Variants in DOCK1 observed in about 807,000 individuals in gnomAD.
The protein encoded by DOCK1 is dedicator of cytokinesis protein 1.
A neutral mutation model predicts 262.7 loss-of-function variants in DOCK1; 138 were observed. That is an observed-to-expected ratio of 0.53 (90% CI 0.46 to 0.61). The LOEUF is 0.61. DOCK1 is among the 20% of genes least tolerant of loss of function. DOCK1 has a pLI of 0.00. For synonymous variants in DOCK1, 866 were observed against 867.4 expected (o/e 1.00, Z 0.03); for missense variants, 1,908 against 2,370.7 (o/e 0.80, Z 4.05).
chr10:127,223,189 A>G (rs1224706366), intron 27 of DOCK1, among the ~76,000 whole-genome samples: 1 of 152,196 alleles, frequency 6.6e-6, no homozygotes, highest in Non-Finnish European at 1.5e-5. Context: ...AGTTTTACTA[A>G]TCTCAAAATT....
At position 127,404,330 on chromosome 10, in the gene DOCK1, A is replaced by G; in HGVS notation, c.4023A>G (p.Lys1341=). 2 of 1,613,236 alleles carry G rather than the reference A, an allele frequency of 1.2e-6. No homozygotes were observed. The highest frequency in any genetic ancestry group is 1.7e-6 in the Non-Finnish European group (2 of 1,179,562). Residue 1341 remains lysine, a synonymous_variant, in exon 40 of 52, where the codon AAA becomes AAG. Coordinates refer to ENST00000623213, the MANE Select transcript of DOCK1 (RefSeq NM_001290223.2). The part of the protein sequence containing the change: ...DYEQLSELLK[K]QAQFYENIVK... ...ATTTTCTTTTTTCCTTCCAGAAAAA[A>G]CAGGCTCAGTTTTATGAAAACATCG...
At position 127,433,292 on chromosome 10, in the gene DOCK1, C is replaced by A; in HGVS notation, c.4924C>A (p.Leu1642Met). ...EYGVRIMPSS[L>M]DDRRGSRPRS... is the part of the protein sequence containing the mutation. ...TCTTTCTCGCTCTCAGCCCTCAAGTCTGGATGATAGAAGAGGCAGCCGCCC... is the reference window on the plus strand; with the variant it reads ...TCTTTCTCGCTCTCAGCCCTCAAGTATGGATGATAGAAGAGGCAGCCGCCC... The change falls in exon 48 of 52, where the codon CTG becomes ATG. Residue 1642 changes from leucine (L) to methionine (M), a missense_variant. By Grantham distance (15) the Leu-to-Met change is conservative. Coordinates refer to ENST00000623213, the MANE Select transcript of DOCK1 (RefSeq NM_001290223.2). 6.2e-7 allele frequency: 1 copy of A among 1,613,968 alleles called. No homozygotes were observed. The highest frequency in any genetic ancestry group is 8.5e-7 in the Non-Finnish European group (1 of 1,179,878).
intron 31 of DOCK1, among the ~76,000 whole-genome samples, chr10:127,349,150 T>C (rs892810939): frequency 8.6e-5 from 13 of 151,844 alleles, no homozygotes; most frequent in Admixed American, 3.3e-4. Flanking sequence ...ACCCCAGCCA[T>C]GAGCTCCCTC....
chr10:127,418,111 A>T (rs1231728670), intron 44 of DOCK1, among the ~76,000 whole-genome samples: 1 of 152,182 alleles, frequency 6.6e-6, no homozygotes, highest in Non-Finnish European at 1.5e-5. Flanking sequence ...GGATGACCAC[A>T]TATGTGCATA....
intron 1 of DOCK1, among the ~76,000 whole-genome samples, chr10:126,910,406 GCGCTGA>G (rs1175026523): frequency 6.6e-6 from 1 of 152,222 alleles, no homozygotes; most frequent in Non-Finnish European, 1.5e-5. Context: ...GCTGGGTGTG[GCGCTGA>G]CGCCCCAGGG....
intron 25 of DOCK1, among the ~76,000 whole-genome samples, chr10:127,113,871 G>A (rs959817722): frequency 1.3e-5 from 2 of 152,172 alleles, no homozygotes; most frequent in Non-Finnish European, 2.9e-5. Context: ...CCCACACTCT[G>A]CAGGATGGAC....
At chr10:127,144,265 C>T (rs1177840700) in intron 27 of DOCK1, among the ~76,000 whole-genome samples, 2 of 152,170 alleles carry the variant, frequency 1.3e-5, no homozygotes, top group African/African-American at 4.8e-5. Flanking sequence ...GTCACTCCTT[C>T]TTTCTGTGGA....
At chr10:127,310,170 C>T (rs761459368) in intron 29 of DOCK1, among the ~76,000 whole-genome samples, 5 of 152,164 alleles carry the variant, frequency 3.3e-5, no homozygotes, top group Non-Finnish European at 7.3e-5. Context: ...CCACTGCGCC[C>T]GGCCTGCTTT....
intron 23 of DOCK1, among the ~76,000 whole-genome samples, chr10:127,094,166 C>G (rs1564798537): frequency 6.6e-6 from 1 of 152,140 alleles, no homozygotes; most frequent in Non-Finnish European, 1.5e-5. Flanking sequence ...AGCACTCCAG[C>G]CTGGGCGACG....
At chr10:126,954,617 C>T (rs1040258864) in intron 1 of DOCK1, among the ~76,000 whole-genome samples, 2 of 152,248 alleles carry the variant, frequency 1.3e-5, no homozygotes, top group African/African-American at 2.4e-5. Flanking sequence ...CCCTGGCAGC[C>T]GCCGTGCTAT....
chr10:127,237,291 C>A (rs754704754), intron 27 of DOCK1, among the ~76,000 whole-genome samples: 5 of 145,582 alleles, frequency 3.4e-5, no homozygotes, highest in Admixed American at 7.1e-5. Context: ...ACTCGGGAGG[C>A]AGAGGTTGCA....
rs375773085 is a variant in DOCK1 at position 127,175,755 on chromosome 10, C to T, written c.2847+47991C>T. The T allele has an allele frequency of 2.9e-5, 47 of 1,614,044 alleles. No individual in the cohort carries two copies. The African/African-American group carries it at 4.1e-4, about 14-fold the overall frequency. ...GTAATCGGGCTCTTCGGATGGAGGC[C>T]GAGTGGAGTTTTGGAGCGCAGCTTC... is the stretch of plus-strand genomic sequence containing the variant. On this transcript the variant is annotated intron_variant, in intron 27 of 51. Transcript: ENST00000623213. The surrounding 1 kb of genome is among the most constrained non-coding windows in gnomAD (Gnocchi z 6.3).
At chr10:127,379,985 G>T in intron 35 of DOCK1, 97 bp from the exon 36 acceptor site, 1 of 867,364 alleles carries the variant, frequency 1.2e-6, no homozygotes, top group Non-Finnish European at 1.9e-6. Context: ...ATTTGGCTGT[G>T]TTTGACACAA....
At chr10:127,026,777 A>G (rs1010990079) in intron 16 of DOCK1, among the ~76,000 whole-genome samples, 7 of 152,206 alleles carry the variant, frequency 4.6e-5, no homozygotes, top group African/African-American at 1.7e-4. Context: ...CTGTCTTAGA[A>G]TTGGAAATCT....
chr10:127,302,741 GGTGTGTGTGTGT>G (rs1196456742), intron 29 of DOCK1, among the ~76,000 whole-genome samples: 1 of 108,166 alleles, frequency 9.2e-6, no homozygotes, highest in East Asian at 2.8e-4. Flanking sequence ...GAAAAGAGGG[GGTGTGTGTGTGT>G]GTGTGTGTGT....
chr10:127,329,135 C>A (rs1431460393), intron 29 of DOCK1, among the ~76,000 whole-genome samples: 1 of 152,084 alleles, frequency 6.6e-6, no homozygotes, highest in Admixed American at 6.5e-5. Flanking sequence ...TGTTCCCATC[C>A]CCCATGTATA....
chr10:127,153,889 A>G, intron 27 of DOCK1: 1 of 1,613,988 alleles, frequency 6.2e-7, no homozygotes, highest in Non-Finnish European at 8.5e-7. Context: ...CATGTGTCAC[A>G]ATTAGCTGTG....
At chr10:127,416,825 G>A (rs916536253) in intron 44 of DOCK1, among the ~76,000 whole-genome samples, 1 of 152,218 alleles carries the variant, frequency 6.6e-6, no homozygotes, top group Admixed American at 6.5e-5. Flanking sequence ...CGTAGGGCCT[G>A]GCAAAGTAAG....
chr10:127,039,863 A>G (rs1220141141), intron 19 of DOCK1, among the ~76,000 whole-genome samples: 2 of 152,214 alleles, frequency 1.3e-5, no homozygotes, highest in Admixed American at 6.5e-5. Context: ...ACGCTGTCCC[A>G]TTAGATGGAA....
Sources: allele counts gnomAD v4.1 joint callset (sites outside exome capture counted in the v4.1 genomes callset), GRCh38; gene constraint gnomAD v4.1.1; non-coding constraint Gnocchi (gnomAD v3.1); transcripts MANE v1.5; gene names NCBI Gene and HGNC (gene_info 2026-07-23, HGNC 2026-07-21).